The following KIAA0825 variants were observed in gnomAD, a reference collection of about 807,000 sequenced individuals.
KIAA0825 encodes uncharacterized protein KIAA0825.
KIAA0825 carries 119 observed loss-of-function variants against 147.6 expected under a neutral mutation model. That is an observed-to-expected ratio of 0.81 (90% confidence interval 0.69 to 0.94). The LOEUF (loss-of-function observed/expected upper bound fraction) is 0.94, where lower values mean the gene tolerates loss of function less well. Ranked by LOEUF, KIAA0825 falls within the 40% of genes least tolerant of loss-of-function variation. The pLI, the probability that KIAA0825 is intolerant of heterozygous loss-of-function variation, is 0.00. For synonymous variants in KIAA0825, 470 were observed against 518.1 expected, an observed-to-expected ratio of 0.91 and a Z score of 1.26; for missense variants, 1,381 against 1,472.7, an observed-to-expected ratio of 0.94 and a Z score of 1.02.
intron 20 of KIAA0825, among the ~76,000 whole-genome samples, chr5:94,215,981 T>C (rs1773156852): frequency 6.6e-6 from 1 of 152,152 alleles, no homozygotes; most frequent in Admixed American, 6.6e-5. Context: ...TCAGTGTTCA[T>C]ACTAGTACTT....
chr5:94,586,460 G>A (rs555277704), intron 1 of KIAA0825, among the ~76,000 whole-genome samples: 3 of 152,084 alleles, frequency 2.0e-5, no homozygotes, highest in African/African-American at 7.2e-5. Context: ...TAAATTCCTG[G>A]ACACATACAC....
chr5:94,439,310 G>A (rs1756771187), intron 14 of KIAA0825, among the ~76,000 whole-genome samples: 1 of 152,130 alleles, frequency 6.6e-6, no homozygotes, highest in African/African-American at 2.4e-5. Context: ...ATGCACAGGA[G>A]TATGTGAAAA....
chr5:94,228,227 A>G (rs1774380856), intron 20 of KIAA0825, among the ~76,000 whole-genome samples: 1 of 152,152 alleles, frequency 6.6e-6, no homozygotes, highest in South Asian at 2.1e-4. Context: ...TAATACATAC[A>G]CATAGCTTTA....
At chr5:94,350,769 G>A (rs1188203291) in intron 20 of KIAA0825, among the ~76,000 whole-genome samples, 3 of 151,926 alleles carry the variant, frequency 2.0e-5, no homozygotes, top group Non-Finnish European at 2.9e-5. Context: ...GCATACAAGG[G>A]ACATACCTTA....
chr5:94,203,294 T>G (rs1292198090), intron 20 of KIAA0825, among the ~76,000 whole-genome samples: 2 of 152,194 alleles, frequency 1.3e-5, no homozygotes, highest in Non-Finnish European at 2.9e-5. Flanking sequence ...AATAAATGCT[T>G]GGTTAAGCAT....
chr5:94,250,641 T>C (rs1775904327), intron 20 of KIAA0825, among the ~76,000 whole-genome samples: 1 of 152,236 alleles, frequency 6.6e-6, no homozygotes, highest in South Asian at 2.1e-4. Flanking sequence ...CTTTTGAATT[T>C]AAGAGTCAAA....
At chr5:94,281,382 A>G (rs1777459128) in intron 20 of KIAA0825, among the ~76,000 whole-genome samples, 1 of 152,258 alleles carries the variant, frequency 6.6e-6, no homozygotes, top group East Asian at 1.9e-4. Flanking sequence ...AAGAATTCAC[A>G]GCAGGGTTTT....
chr5:94,435,202 G>A (rs1756191834), intron 14 of KIAA0825, among the ~76,000 whole-genome samples: 1 of 151,572 alleles, frequency 6.6e-6, no homozygotes, highest in African/African-American at 2.4e-5. Context: ...GTGTGTCATG[G>A]GGGTTTGTTG....
intron 20 of KIAA0825, among the ~76,000 whole-genome samples, chr5:94,345,071 C>T (rs150638): frequency 0.39 from 58,738 of 151,276 alleles, 11,759 homozygotes; most frequent in African/African-American, 0.47. Context: ...TTTATGTATA[C>T]GTTACCATAA....
chr5:94,500,712 G>A (rs73145038), intron 5 of KIAA0825, among the ~76,000 whole-genome samples: 1,754 of 152,106 alleles, frequency 0.012, 33 homozygotes, highest in African/African-American at 0.039. Context: ...AGTGACTGTT[G>A]GAATCATCAT....
intron 14 of KIAA0825, among the ~76,000 whole-genome samples, chr5:94,437,458 G>T (rs1227998678): frequency 6.6e-6 from 1 of 152,118 alleles, no homozygotes; most frequent in Non-Finnish European, 1.5e-5. Context: ...ATGGGTGTTT[G>T]AGCAGGTTGG....
intron 5 of KIAA0825, among the ~76,000 whole-genome samples, chr5:94,507,036 A>T (rs1020377875): frequency 6.6e-6 from 1 of 152,224 alleles, no homozygotes; most frequent in Non-Finnish European, 1.5e-5. Flanking sequence ...ATACCAAAAA[A>T]ATAAGTGTTA....
intron 20 of KIAA0825, among the ~76,000 whole-genome samples, chr5:94,379,193 G>A (rs1208151361): frequency 1.3e-5 from 2 of 152,116 alleles, no homozygotes; most frequent in African/African-American, 4.8e-5. Flanking sequence ...CTATGTCCTG[G>A]ATAGTATTTC....
chr5:94,434,642 T>C (rs1264746474), intron 14 of KIAA0825, among the ~76,000 whole-genome samples: 1 of 152,152 alleles, frequency 6.6e-6, no homozygotes, highest in Non-Finnish European at 1.5e-5. Flanking sequence ...GCTCACAGTT[T>C]TGGAGGCTGG....
intron 1 of KIAA0825, among the ~76,000 whole-genome samples, chr5:94,588,017 T>A: frequency 6.6e-6 from 1 of 152,172 alleles, no homozygotes; most frequent in African/African-American, 2.4e-5. Flanking sequence ...CTGGATCCCT[T>A]CCTTACATCT....
At chr5:94,607,278 G>A (rs1787662307) in intron 1 of KIAA0825, among the ~76,000 whole-genome samples, 1 of 151,936 alleles carries the variant, frequency 6.6e-6, no homozygotes. Flanking sequence ...AACATTATAT[G>A]TCATTTTTGC....
intron 14 of KIAA0825, among the ~76,000 whole-genome samples, chr5:94,418,879 C>T (rs771915003): frequency 6.6e-6 from 1 of 151,908 alleles, no homozygotes; most frequent in Non-Finnish European, 1.5e-5. Flanking sequence ...CCCTCCCACC[C>T]CCTTTTATTT....
chr5:94,474,115 A>G (rs1248298309), intron 7 of KIAA0825, among the ~76,000 whole-genome samples: 3 of 152,216 alleles, frequency 2.0e-5, no homozygotes, highest in Non-Finnish European at 4.4e-5. Flanking sequence ...CATAAGCAGC[A>G]CTACTTTTGT....
At position 94,225,103 on chromosome 5, in the gene KIAA0825, A is replaced by T. The variant is rs143103914; in HGVS notation, c.3711-70979T>A. Among the ~76,000 whole-genome samples the T allele has an allele frequency of 2.6e-5, 4 of 152,300 alleles. No individual in the cohort carries two copies. The East Asian group carries it at 5.8e-4, about 22-fold the overall frequency. On this transcript the variant is annotated intron_variant, in intron 20 of 20. Transcript: ENST00000682413. ...TCTGCTCTGCATAGCCAAATTTTCT[A>T]CATACGTTTATTGAGTACCTTCAGT...
Sources: gnomAD v4.1 joint callset for allele counts (sites outside exome capture counted in the v4.1 genomes callset) on GRCh38, gnomAD v4.1.1 for gene constraint, MANE v1.5 for transcripts, NCBI Gene and HGNC (gene_info 2026-07-23, HGNC 2026-07-21) for gene names.